Variants in PRKX observed in about 807,000 individuals in gnomAD.
PRKX encodes protein kinase cAMP-dependent X-linked catalytic subunit.
In PRKX, 12 loss-of-function variants were observed where a neutral mutation model predicts 22.0. The ratio of observed to expected loss-of-function variants is 0.54; its 90% confidence interval spans 0.35 to 0.88. The LOEUF (loss-of-function observed/expected upper bound fraction) is 0.88. Ranked by LOEUF, PRKX falls within the 40% of genes least tolerant of loss-of-function variation. PRKX has a pLI of 0.01. For missense variants in PRKX, 217 were observed against 308.0 expected, an observed-to-expected ratio of 0.70 and a Z score of 2.21; for synonymous variants, 134 against 137.7, an observed-to-expected ratio of 0.97 and a Z score of 0.19.
chrX:3,694,050 AC>A (rs915572983), intron 1 of PRKX, among the ~76,000 whole-genome samples: 12 of 109,708 alleles, frequency 1.1e-4, no homozygotes, highest in African/African-American at 4.0e-4. Flanking sequence ...AAATCCAACA[AC>A]GGGTGTCCTT....
rs767411213 is a variant in PRKX at position 3,624,346 on chromosome X, T to C, written c.815+2073A>G. 3.6e-5 allele frequency among the ~76,000 whole-genome samples: 4 copies of C among 111,319 alleles called. No homozygotes were observed. The East Asian group carries it at 1.1e-3, about 31-fold the overall frequency. ...GCTCTTGGGGAACCCACACTGGGTA[T>C]GTAAAGAAACAGGGGCACTGTGGGG... On this transcript the variant is annotated intron_variant, in intron 5 of 8. Coordinates refer to ENST00000262848, the MANE Select transcript of PRKX (RefSeq NM_005044.5).
Position 3,682,593 on chromosome X carries a change from AAT to A in PRKX, c.167-7829_167-7828del, listed in dbSNP as rs1928096762. On this transcript the variant is annotated intron_variant, in intron 1 of 8. Transcript: ENST00000262848. ...GGTGAGGTCATCCTGAAGGTGGTGC[AAT>A]ATGAGTGGTGAACTAATAAGGAGAC... 1.8e-5 allele frequency among the ~76,000 whole-genome samples: 2 copies of A among 111,744 alleles called. 1 individual carries two copies. Among genetic ancestry groups the A allele is most frequent in the Non-Finnish European group, 3.8e-5 (2 of 53,200 alleles).
At chrX:3,681,240 C>A (rs1928065838) in intron 1 of PRKX, among the ~76,000 whole-genome samples, 2 of 109,803 alleles carry the variant, frequency 1.8e-5, no homozygotes, top group South Asian at 7.9e-4. Flanking sequence ...AAAAATTAGC[C>A]AGGCATGGTT....
At chrX:3,618,107 A>T (rs1456265160) in intron 6 of PRKX, among the ~76,000 whole-genome samples, 1 of 109,013 alleles carries the variant, frequency 9.2e-6, no homozygotes, top group East Asian at 2.9e-4. Context: ...GCACAGATAG[A>T]CAAATACAGT....
intron 2 of PRKX, among the ~76,000 whole-genome samples, chrX:3,656,870 C>T (rs1265123303): frequency 1.3e-4 from 14 of 111,796 alleles, no homozygotes; most frequent in Admixed American, 7.6e-4. Context: ...GCTGGAAGTC[C>T]GAGGTCGGGG....
chrX:3,677,657 T>G (rs1927992198), intron 1 of PRKX, among the ~76,000 whole-genome samples: 1 of 111,964 alleles, frequency 8.9e-6, no homozygotes, highest in Admixed American at 9.6e-5. Context: ...CTTAGAGTAT[T>G]TGCTGTAAAC....
At chrX:3,639,515 A>ATGGATGAAGGG (rs1927014927) in intron 4 of PRKX, among the ~76,000 whole-genome samples, 1 of 14,557 alleles carries the variant, frequency 6.9e-5, no homozygotes, top group Non-Finnish European at 1.2e-4. Context: ...TGGATGAAGG[A>ATGGATGAAGGG]GTGGGTGGGT....
At chrX:3,684,132 A>G (rs1286273800) in intron 1 of PRKX, among the ~76,000 whole-genome samples, 1 of 110,358 alleles carries the variant, frequency 9.1e-6, no homozygotes, top group Non-Finnish European at 1.9e-5. Context: ...CGCTCCTGTA[A>G]TCCCAGCTAC....
chrX:3,620,460 G>A (rs1183026985), intron 6 of PRKX, among the ~76,000 whole-genome samples: 1 of 112,404 alleles, frequency 8.9e-6, no homozygotes, highest in Non-Finnish European at 1.9e-5. Context: ...CAAACTGGTA[G>A]TGGTCCACGG....
At chrX:3,652,975 T>C (rs780818723) in intron 3 of PRKX, among the ~76,000 whole-genome samples, 2 of 111,107 alleles carry the variant, frequency 1.8e-5, no homozygotes, top group East Asian at 5.7e-4. Flanking sequence ...TTAGCCTCCA[T>C]GACAGTGAGA....
chrX:3,692,356 G>A (rs1928348398), intron 1 of PRKX, among the ~76,000 whole-genome samples: 3 of 109,853 alleles, frequency 2.7e-5, no homozygotes. Flanking sequence ...AGTGCCCTGT[G>A]GGGGAAGGCC....
chrX:3,678,009 C>T (rs1209574754), intron 1 of PRKX, among the ~76,000 whole-genome samples: 1 of 111,868 alleles, frequency 8.9e-6, no homozygotes, highest in African/African-American at 3.2e-5. Flanking sequence ...TAGGTGGAAT[C>T]AGGTCAAAGA....
At chrX:3,640,335 T>C (rs1360562592) in intron 4 of PRKX, among the ~76,000 whole-genome samples, 36 of 111,257 alleles carry the variant, frequency 3.2e-4, no homozygotes, top group Non-Finnish European at 5.8e-4. Flanking sequence ...CAGAGCCACA[T>C]GGTGCAACAG....
intron 4 of PRKX, among the ~76,000 whole-genome samples, chrX:3,630,298 G>A (rs1926743383): frequency 9.0e-6 from 1 of 110,712 alleles, no homozygotes; most frequent in Admixed American, 9.8e-5. Context: ...GGTGGCTCAT[G>A]CCTGTAATCC....
At chrX:3,694,491 A>C (rs1290269268) in intron 1 of PRKX, among the ~76,000 whole-genome samples, 2 of 111,220 alleles carry the variant, frequency 1.8e-5, no homozygotes, top group African/African-American at 6.5e-5. Flanking sequence ...AGACGGAGGC[A>C]GACTGGAGTG....
At chrX:3,643,566 C>T (rs1331230175) in intron 3 of PRKX, among the ~76,000 whole-genome samples, 2 of 110,659 alleles carry the variant, frequency 1.8e-5, no homozygotes, top group South Asian at 3.9e-4. Flanking sequence ...AGCACAAATG[C>T]GGGCCACATC....
intron 4 of PRKX, among the ~76,000 whole-genome samples, chrX:3,638,981 T>C (rs1443853962): frequency 1.0e-5 from 1 of 98,500 alleles, no homozygotes; most frequent in Admixed American, 1.2e-4. Flanking sequence ...GATAAAGAGA[T>C]GGAGAGAGAT....
Position 3,636,589 on chromosome X carries a change from G to A in PRKX, c.719+5263C>T, listed in dbSNP as rs181435052. 8.5e-3 allele frequency among the ~76,000 whole-genome samples: 960 copies of A among 112,996 alleles called. 17 individuals are homozygous for A. The highest frequency in any genetic ancestry group is 0.029 in the African/African-American group (906 of 31,162). ...AAAGGGCCAGCCCTGGCTGGGTGTG[G>A]TGGCTCACGCCTGTAACCCCAGCAC... On this transcript the variant is annotated intron_variant, in intron 4 of 8. Transcript: ENST00000262848.
At chrX:3,620,919 C>T (rs957533325) in intron 6 of PRKX, among the ~76,000 whole-genome samples, 1 of 111,311 alleles carries the variant, frequency 9.0e-6, no homozygotes, top group African/African-American at 3.3e-5. Context: ...TGTGAATTCA[C>T]TCTCCGTAAA....
Sources: allele counts gnomAD v4.1 joint callset (sites outside exome capture counted in the v4.1 genomes callset), GRCh38; gene constraint gnomAD v4.1.1; transcripts MANE v1.5; gene names NCBI Gene and HGNC (gene_info 2026-07-23, HGNC 2026-07-21).